The following GPD2 variants were observed in gnomAD, a reference collection of about 807,000 sequenced individuals.
GPD2 encodes the protein glycerol-3-phosphate dehydrogenase 2.
In GPD2, 54 loss-of-function variants were observed where a neutral mutation model predicts 82.4. That is an observed-to-expected ratio of 0.66 (90% CI 0.53 to 0.82). The LOEUF is 0.82. Ranked by LOEUF, GPD2 falls within the 40% of genes least tolerant of loss-of-function variation. GPD2 has a pLI of 0.00. For synonymous variants in GPD2, 288 were observed against 306.1 expected (o/e 0.94, Z 0.62); for missense variants, 748 against 896.2 (o/e 0.83, Z 2.11).
chr2:156,533,597 A>G (rs1240686779), intron 6 of GPD2, among the ~76,000 whole-genome samples: 2 of 152,228 alleles, frequency 1.3e-5, no homozygotes, highest in African/African-American at 4.8e-5. Flanking sequence ...ACTTCCTGTC[A>G]ACAGTGCTGA....
At chr2:156,552,384 C>T (rs940763839) in intron 8 of GPD2, among the ~76,000 whole-genome samples, 1 of 152,126 alleles carries the variant, frequency 6.6e-6, no homozygotes. Flanking sequence ...ATATGTTTCT[C>T]GTATATAGAG....
At chr2:156,415,732 A>T in the GPD2 span, among the ~76,000 whole-genome samples, 2 of 152,094 alleles carry the variant, frequency 1.3e-5, no homozygotes, top group Non-Finnish European at 2.9e-5. Context: ...GCACATGCTT[A>T]TAATCCCAGC....
At chr2:156,460,334 T>C (rs1261526610) in intron 1 of GPD2, among the ~76,000 whole-genome samples, 1 of 152,160 alleles carries the variant, frequency 6.6e-6, no homozygotes, top group Non-Finnish European at 1.5e-5. Context: ...TAGTTTCCAG[T>C]GTGATGCCAA....
At chr2:156,503,040 G>T (rs1320283304) in intron 3 of GPD2, among the ~76,000 whole-genome samples, 1 of 152,034 alleles carries the variant, frequency 6.6e-6, no homozygotes, top group Non-Finnish European at 1.5e-5. Flanking sequence ...GGAACCAAAA[G>T]ACTCCTGCCC....
At chr2:156,545,130 A>ACACT (rs1686481309) in intron 6 of GPD2, among the ~76,000 whole-genome samples, 1 of 152,194 alleles carries the variant, frequency 6.6e-6, no homozygotes, top group Non-Finnish European at 1.5e-5. Context: ...ATGCCTACAC[A>ACACT]CACTCATTCA....
chr2:156,543,001 A>G (rs913982430), intron 6 of GPD2, among the ~76,000 whole-genome samples: 2 of 152,198 alleles, frequency 1.3e-5, no homozygotes, highest in East Asian at 3.8e-4. Flanking sequence ...TGCCTGGCTC[A>G]TAATGTGTAC....
At chr2:156,448,348 T>G (rs747869922) in intron 1 of GPD2, among the ~76,000 whole-genome samples, 1 of 152,158 alleles carries the variant, frequency 6.6e-6, no homozygotes, top group Non-Finnish European at 1.5e-5. Context: ...GACCTCGTGA[T>G]CCACCACCTT....
At chr2:156,565,184 G>A (rs1283069501) in intron 9 of GPD2, among the ~76,000 whole-genome samples, 1 of 152,064 alleles carries the variant, frequency 6.6e-6, no homozygotes. Context: ...TCAAGAGTTG[G>A]AACCAAATTC....
At chr2:156,497,434 G>A (rs1363884524) in intron 3 of GPD2, among the ~76,000 whole-genome samples, 1 of 152,112 alleles carries the variant, frequency 6.6e-6, no homozygotes, top group African/African-American at 2.4e-5. Flanking sequence ...AATTGGGTAG[G>A]ATACTGCTGC....
intron 2 of GPD2, among the ~76,000 whole-genome samples, chr2:156,487,366 C>T (rs866013564): frequency 1.3e-5 from 2 of 152,078 alleles, no homozygotes; most frequent in Admixed American, 6.6e-5. Context: ...AACTTAACTG[C>T]CCAATGTGGT....
intron 6 of GPD2, among the ~76,000 whole-genome samples, chr2:156,523,659 T>C (rs1268893434): frequency 3.3e-5 from 5 of 149,622 alleles, no homozygotes; most frequent in African/African-American, 4.9e-5. Context: ...TGTTCAACAA[T>C]AATTTCTTTT....
chr2:156,420,988 T>C, the GPD2 span, among the ~76,000 whole-genome samples: 1 of 152,242 alleles, frequency 6.6e-6, no homozygotes, highest in African/African-American at 2.4e-5. Context: ...AGATTCTTTA[T>C]TGACAGCCTA....
At chr2:156,434,510 C>A (rs1688369220), upstream of GPD2, among the ~76,000 whole-genome samples, 2 of 152,094 alleles carry the variant, frequency 1.3e-5, no homozygotes, top group South Asian at 4.1e-4. Context: ...TTCTTCGTAT[C>A]ACAAATTCCA....
intron 10 of GPD2, 130 bp downstream of exon 10, chr2:156,569,089 A>G (rs1687506454): frequency 1.3e-6 from 1 of 795,420 alleles, no homozygotes; most frequent in Non-Finnish European, 2.1e-6. Context: ...TCAGCCTCCC[A>G]AAGTGTTGGG....
At chr2:156,488,538 A>G (rs947528521) in intron 2 of GPD2, among the ~76,000 whole-genome samples, 16 of 152,166 alleles carry the variant, frequency 1.1e-4, no homozygotes, top group Non-Finnish European at 4.4e-5. Flanking sequence ...GTGGTCTTTA[A>G]ATATGCACTT....
chr2:156,563,838 C>T (rs1446793032), intron 9 of GPD2, among the ~76,000 whole-genome samples: 2 of 152,074 alleles, frequency 1.3e-5, no homozygotes, highest in Non-Finnish European at 2.9e-5. Context: ...TATATGATAG[C>T]CATCAGCCAC....
intron 6 of GPD2, among the ~76,000 whole-genome samples, chr2:156,535,761 G>A (rs1686055236): frequency 6.6e-6 from 1 of 152,184 alleles, no homozygotes; most frequent in South Asian, 2.1e-4. Flanking sequence ...TAAAAAATCT[G>A]TGATTGCCCA....
At chr2:156,463,983 A>C (rs1683071561) in intron 1 of GPD2, among the ~76,000 whole-genome samples, 1 of 152,208 alleles carries the variant, frequency 6.6e-6, no homozygotes, top group Non-Finnish European at 1.5e-5. Context: ...AAAGAAGAAA[A>C]GAAATATCTT....
the GPD2 span, among the ~76,000 whole-genome samples, chr2:156,416,957 G>GA: frequency 4.6e-5 from 7 of 152,160 alleles, no homozygotes; most frequent in South Asian, 1.5e-3. Flanking sequence ...TAGCACTCAA[G>GA]AATCATTTAA....
Sources: gnomAD v4.1 joint callset for allele counts (sites outside exome capture counted in the v4.1 genomes callset) on GRCh38, gnomAD v4.1.1 for gene constraint, MANE v1.5 for transcripts, NCBI Gene and HGNC (gene_info 2026-07-23, HGNC 2026-07-21) for gene names.